The following DZANK1 variants were observed in gnomAD, a reference collection of about 807,000 sequenced individuals.
DZANK1 encodes the protein double zinc ribbon and ankyrin repeat-containing protein 1.
DZANK1 carries 91 observed loss-of-function variants against 94.5 expected under a neutral mutation model. The observed-to-expected ratio is 0.96, with a 90% CI of 0.81 to 1.15. The LOEUF (loss-of-function observed/expected upper bound fraction) is 1.15, where lower values mean the gene tolerates loss of function less well. Ranked by LOEUF, DZANK1 falls within the 50% of genes most tolerant of loss-of-function variation. The pLI is 0.00. For missense variants in DZANK1, 903 were observed against 916.4 expected, an observed-to-expected ratio of 0.99 and a Z score of 0.19; for synonymous variants, 312 against 325.3, an observed-to-expected ratio of 0.96 and a Z score of 0.44.
At chr20:18,447,687 T>C (rs1011089497) in intron 7 of DZANK1, among the ~76,000 whole-genome samples, 3 of 152,040 alleles carry the variant, frequency 2.0e-5, no homozygotes, top group Admixed American at 2.0e-4. Flanking sequence ...AGAAGATGCA[T>C]GGATGGAAAT....
chr20:18,459,301 GTTGTT>G (rs1276240610), intron 3 of DZANK1, among the ~76,000 whole-genome samples: 1 of 152,118 alleles, frequency 6.6e-6, no homozygotes, highest in African/African-American at 2.4e-5. Flanking sequence ...GCATAAAGGG[GTTGTT>G]TTGTTTCATT....
At chr20:18,462,244 C>T (rs2059496697) in intron 2 of DZANK1, among the ~76,000 whole-genome samples, 2 of 151,934 alleles carry the variant, frequency 1.3e-5, no homozygotes, top group South Asian at 4.2e-4. Flanking sequence ...ATGGTCCCTG[C>T]TCTCATGGAG....
intron 10 of DZANK1, among the ~76,000 whole-genome samples, chr20:18,417,308 A>G (rs946783929): frequency 2.0e-5 from 3 of 152,264 alleles, no homozygotes; most frequent in Non-Finnish European, 4.4e-5. Context: ...AACAAAATCA[A>G]TTTAAATGGT....
Position 18,442,127 on chromosome 20 carries a change from C to T in DZANK1, c.747+1220G>A, listed in dbSNP as rs2058732432. Among the ~76,000 whole-genome samples the T allele has an allele frequency of 4.6e-5, 7 of 152,192 alleles. No individual in the cohort carries two copies. In the South Asian group the frequency reaches 1.4e-3, roughly 32 times the overall value. ...TTACAAAGCTGTTATACATTATAGT[C>T]TATTGTTGCACTAATAGAAATATAA... On this transcript the variant is annotated intron_variant, in intron 8 of 20. Transcript: ENST00000262547.
chr20:18,419,166 G>A (rs2057642931), intron 10 of DZANK1, among the ~76,000 whole-genome samples: 1 of 151,738 alleles, frequency 6.6e-6, no homozygotes, highest in South Asian at 2.1e-4. Flanking sequence ...GGAGGGTGAG[G>A]CAGGAGAATC....
At chr20:18,436,917 C>G (rs2058546931) in intron 8 of DZANK1, among the ~76,000 whole-genome samples, 1 of 152,128 alleles carries the variant, frequency 6.6e-6, no homozygotes, top group Non-Finnish European at 1.5e-5. Flanking sequence ...AATTGCTAAA[C>G]CAGAATTACA....
intron 1 of DZANK1, among the ~76,000 whole-genome samples, chr20:18,466,317 A>C (rs1310726154): frequency 6.6e-6 from 1 of 152,168 alleles, no homozygotes; most frequent in Non-Finnish European, 1.5e-5. Context: ...CATTTAGGCT[A>C]TTTCTAGTTT....
chr20:18,414,472 C>T, exon 12 of DZANK1: 2 of 1,613,036 alleles, frequency 1.2e-6, no homozygotes, highest in Non-Finnish European at 1.7e-6. Context: ...ATTGCTGGCC[C>T]CACATTTAGG....
chr20:18,391,580 T>C (rs946548317), intron 17 of DZANK1, among the ~76,000 whole-genome samples: 7 of 152,306 alleles, frequency 4.6e-5, no homozygotes, highest in Middle Eastern at 6.8e-3. Flanking sequence ...TTCATCTTTA[T>C]ATATAAAGAA....
chr20:18,464,072 T>C (rs2059562379), intron 2 of DZANK1, among the ~76,000 whole-genome samples: 1 of 151,906 alleles, frequency 6.6e-6, no homozygotes, highest in African/African-American at 2.4e-5. Context: ...ATTTCTTTTT[T>C]CTTTTTCTTT....
At chr20:18,421,932 T>C (rs1158076618) in intron 10 of DZANK1, among the ~76,000 whole-genome samples, 1 of 152,206 alleles carries the variant, frequency 6.6e-6, no homozygotes, top group Non-Finnish European at 1.5e-5. Flanking sequence ...ATTGAGTTGT[T>C]TGAGTTCCTT....
chr20:18,389,876 A>G (rs752949255), intron 18 of DZANK1, 48 bp from the exon 19 acceptor site: 3 of 1,608,474 alleles, frequency 1.9e-6, no homozygotes, highest in African/African-American at 2.7e-5. Flanking sequence ...CCTGCACTCA[A>G]CAGCATCCAG....
At chr20:18,450,865 AATAGT>A (rs1569005500) in intron 6 of DZANK1, among the ~76,000 whole-genome samples, 2 of 152,196 alleles carry the variant, frequency 1.3e-5, no homozygotes, top group African/African-American at 4.8e-5. Flanking sequence ...AAAGCACTAT[AATAGT>A]ATAGTAGGCA....
At chr20:18,451,766 C>A in intron 6 of DZANK1, 1 of 440,990 alleles carries the variant, frequency 2.3e-6, no homozygotes, top group Middle Eastern at 3.6e-4. Context: ...TCCTCCCCTT[C>A]CCTCTCATCC....
At chr20:18,452,863 G>T in intron 5 of DZANK1, 124 bp from the exon 6 acceptor site, 1 of 1,010,236 alleles carries the variant, frequency 9.9e-7, no homozygotes, top group Non-Finnish European at 1.4e-6. Context: ...TTCCCTAGAA[G>T]TAACAATTAT....
intron 1 of DZANK1, 86 bp from the exon 2 acceptor site, chr20:18,465,463 C>T (rs553057079): frequency 3.3e-5 from 14 of 428,870 alleles, no homozygotes; most frequent in East Asian, 1.1e-4. Context: ...CTAGTTAAAA[C>T]GAGAGAATAC....
chr20:18,451,777 G>A (rs1011922398), intron 6 of DZANK1: 8 of 458,464 alleles, frequency 1.7e-5, no homozygotes, highest in South Asian at 6.7e-5. Context: ...CCTCTCATCC[G>A]TCGGATCCCT....
At chr20:18,435,389 T>C (rs1236764769) in intron 8 of DZANK1, among the ~76,000 whole-genome samples, 1 of 152,150 alleles carries the variant, frequency 6.6e-6, no homozygotes, top group Non-Finnish European at 1.5e-5. Flanking sequence ...ATGTGGCACA[T>C]ATGCACCATG....
At chr20:18,415,951 G>A (rs896245518) in intron 10 of DZANK1, among the ~76,000 whole-genome samples, 2 of 152,234 alleles carry the variant, frequency 1.3e-5, no homozygotes, top group Admixed American at 6.5e-5. Flanking sequence ...CTGGGACTAT[G>A]TTAGGTAAAC....
Sources: gnomAD v4.1 joint callset for allele counts (sites outside exome capture counted in the v4.1 genomes callset) on GRCh38, gnomAD v4.1.1 for gene constraint, MANE v1.5 for transcripts, NCBI Gene and HGNC (gene_info 2026-07-23, HGNC 2026-07-21) for gene names.